The following COL23A1 variants were observed in gnomAD, a reference collection of about 807,000 sequenced individuals.
COL23A1 encodes collagen alpha-1(XXIII) chain.
COL23A1 carries 97 observed loss-of-function variants against 99.3 expected under a neutral mutation model. That is an observed-to-expected ratio of 0.98 (90% CI 0.83 to 1.16). The LOEUF (loss-of-function observed/expected upper bound fraction) is 1.16. Among genes scored for constraint, COL23A1 ranks in the 50% most tolerant of loss-of-function variants. The pLI, the probability that COL23A1 is intolerant of heterozygous loss-of-function variation, is 0.00. For synonymous variants in COL23A1, 320 were observed against 308.2 expected, an observed-to-expected ratio of 1.04 and a Z score of -0.40; for missense variants, 762 against 757.4, an observed-to-expected ratio of 1.01 and a Z score of -0.07.
At chr5:178,400,094 C>T (rs1021782970) in intron 2 of COL23A1, among the ~76,000 whole-genome samples, 10 of 152,086 alleles carry the variant, frequency 6.6e-5, no homozygotes, top group African/African-American at 2.4e-4. Flanking sequence ...AGGCTGGGCG[C>T]TGTGGCTCAC....
intron 2 of COL23A1, among the ~76,000 whole-genome samples, chr5:178,495,915 A>G (rs1758175948): frequency 6.6e-6 from 1 of 152,218 alleles, no homozygotes; most frequent in African/African-American, 2.4e-5. Flanking sequence ...CCTATTTTTC[A>G]GATGAGAAAA....
In COL23A1 at chr5:178,434,721, A is replaced by C. The variant is rs1425905197; in HGVS notation, c.361+125961T>G. ...CCCCTCTAGAGGCCGGTGCCTCCCC[A>C]ACATCTCCACTTCACCGCTGAGGAA... On this transcript the variant is annotated intron_variant, in intron 2 of 28. Transcript: ENST00000390654. This position sits in a 1 kb window ranked among gnomAD's most constrained non-coding sequence, Gnocchi z 4.3. Among the ~76,000 whole-genome samples, 2 of 152,168 alleles carry C rather than the reference A, an allele frequency of 1.3e-5. No individual in the cohort carries two copies. Among genetic ancestry groups the C allele is most frequent in the Admixed American group, 1.3e-4 (2 of 15,282 alleles).
At chr5:178,416,288 G>A (rs1034836637) in intron 2 of COL23A1, among the ~76,000 whole-genome samples, 2 of 152,186 alleles carry the variant, frequency 1.3e-5, no homozygotes, top group African/African-American at 4.8e-5. Context: ...TTGTTGAGAG[G>A]TTCAGTCTTA....
At chr5:178,377,158 G>A (rs546259941) in intron 2 of COL23A1, among the ~76,000 whole-genome samples, 5 of 152,330 alleles carry the variant, frequency 3.3e-5, no homozygotes, top group African/African-American at 1.2e-4. Context: ...GTCAGCAGTG[G>A]GCAGCGGGTA....
chr5:178,402,096 G>A (rs190403917), intron 2 of COL23A1, among the ~76,000 whole-genome samples: 1 of 152,186 alleles, frequency 6.6e-6, no homozygotes, highest in Non-Finnish European at 1.5e-5. Flanking sequence ...AATTACAGGT[G>A]TGAGCCACCG....
intron 2 of COL23A1, among the ~76,000 whole-genome samples, chr5:178,547,306 G>T (rs1761637237): frequency 6.6e-6 from 1 of 151,934 alleles, no homozygotes; most frequent in Non-Finnish European, 1.5e-5. Flanking sequence ...TCACCTCTAT[G>T]ACCGGCAGTG....
At chr5:178,509,213 C>CTGCA (rs1759057462) in intron 2 of COL23A1, among the ~76,000 whole-genome samples, 1 of 147,458 alleles carries the variant, frequency 6.8e-6, no homozygotes, top group African/African-American at 2.5e-5. Context: ...GAATCAGAAC[C>CTGCA]TGCATTCTTT....
In COL23A1 at chr5:178,247,564, G is replaced by A. The variant is rs1277231726; in HGVS notation, c.1270-12C>T. ...ATTCCCTGGAGGCCCTGCAGGAGGA[G>A]GAAGCAGATAAGAAGGCTGGCTCCG... On this transcript the variant is annotated splice_polypyrimidine_tract_variant and intron_variant, in intron 21 of 28. Coordinates refer to ENST00000390654, the MANE Select transcript of COL23A1 (RefSeq NM_173465.4). 1 of 1,613,984 alleles carries A rather than the reference G, an allele frequency of 6.2e-7. No homozygotes were observed. Among genetic ancestry groups the A allele is most frequent in the Non-Finnish European group, 8.5e-7 (1 of 1,179,870 alleles).
intron 2 of COL23A1, among the ~76,000 whole-genome samples, chr5:178,505,164 G>A (rs1171662143): frequency 3.9e-5 from 6 of 152,276 alleles, no homozygotes; most frequent in East Asian, 1.9e-4. Flanking sequence ...AAATCGTGGC[G>A]TTCCTTGACT....
chr5:178,487,288 T>TTTTATTTA (rs70997604), intron 2 of COL23A1, among the ~76,000 whole-genome samples: 6,307 of 116,432 alleles, frequency 0.054, 195 homozygotes, highest in Non-Finnish European at 0.078. Flanking sequence ...CCAGCCTCAG[T>TTTTATTTA]TTTATTTATT....
At chr5:178,548,698 G>A (rs1267208764) in intron 2 of COL23A1, among the ~76,000 whole-genome samples, 1 of 151,730 alleles carries the variant, frequency 6.6e-6, no homozygotes, top group Non-Finnish European at 1.5e-5. Context: ...TCTTGTATAA[G>A]AGCACTTTAT....
intron 2 of COL23A1, among the ~76,000 whole-genome samples, chr5:178,418,210 G>A (rs755298245): frequency 3.9e-5 from 6 of 152,266 alleles, no homozygotes; most frequent in African/African-American, 1.4e-4. Flanking sequence ...TCAGGGTGGT[G>A]AGGACTGAAT....
intron 3 of COL23A1, among the ~76,000 whole-genome samples, chr5:178,303,942 T>C (rs974803587): frequency 5.9e-5 from 9 of 152,186 alleles, no homozygotes; most frequent in Non-Finnish European, 1.2e-4. Flanking sequence ...TAAGAGGGTC[T>C]GGGAGGAGAG....
Position 178,439,559 on chromosome 5 carries a change from C to T in COL23A1, c.361+121123G>A, listed in dbSNP as rs776453047. ...AGTCTCATCACATCTCTCCTCTGCT[C>T]AAATCCTCCAGCAGATGTGAAGACA... is the stretch of plus-strand genomic sequence containing the variant. On this transcript the variant is annotated intron_variant, in intron 2 of 28. Transcript: ENST00000390654. The surrounding 1 kb of genome is among the most constrained non-coding windows in gnomAD (Gnocchi z 4.2). 3 of 152,206 alleles carry T rather than the reference C, an allele frequency of 2.0e-5. No homozygotes were observed. The highest frequency in any genetic ancestry group is 4.4e-5 in the Non-Finnish European group (3 of 68,058). The allele number at this position is 152,206 out of a possible 1,614,324, so 9.4% of individuals were successfully genotyped here. A position where few individuals can be genotyped will look rare whatever the true frequency, so the allele number is the denominator to read the frequency against.
intron 1 of COL23A1, among the ~76,000 whole-genome samples, chr5:178,573,121 C>T (rs1388479018): frequency 6.6e-6 from 1 of 152,138 alleles, no homozygotes; most frequent in African/African-American, 2.4e-5. Context: ...CCTATCTAGA[C>T]TGTGGAGAGG....
intron 2 of COL23A1, among the ~76,000 whole-genome samples, chr5:178,516,139 ACCACCCTACCCCTCTTCCCGTGCTTCAGG>A (rs1427701661): frequency 3.3e-5 from 5 of 150,952 alleles, no homozygotes; most frequent in African/African-American, 1.2e-4. Flanking sequence ...CCTCATTTCC[ACCACCCTACCCCTCTTCCCGTGCTTCAGG>A]GCCTCCCAGC....
intron 3 of COL23A1, among the ~76,000 whole-genome samples, chr5:178,294,048 G>A (rs1408540550): frequency 2.6e-5 from 4 of 152,018 alleles, no homozygotes; most frequent in Admixed American, 1.3e-4. Context: ...GTGGGTGCAC[G>A]TGGGATCAGA....
chr5:178,471,032 C>T (rs1292513173), intron 2 of COL23A1, among the ~76,000 whole-genome samples: 1 of 152,218 alleles, frequency 6.6e-6, no homozygotes, highest in Non-Finnish European at 1.5e-5. Flanking sequence ...GAAAAAGCAT[C>T]TGCTCCAGTG....
At chr5:178,481,378 C>T (rs1757330001) in intron 2 of COL23A1, among the ~76,000 whole-genome samples, 1 of 152,032 alleles carries the variant, frequency 6.6e-6, no homozygotes, top group Non-Finnish European at 1.5e-5. Flanking sequence ...ATAAGCTGAA[C>T]ATCATCAAAA....
Sources: allele counts gnomAD v4.1 joint callset (sites outside exome capture counted in the v4.1 genomes callset), GRCh38; gene constraint gnomAD v4.1.1; non-coding constraint Gnocchi (gnomAD v3.1); transcripts MANE v1.5; gene names NCBI Gene and HGNC (gene_info 2026-07-23, HGNC 2026-07-21).